Variants in PLEKHA5 observed in about 807,000 individuals in gnomAD.
PLEKHA5 encodes the protein pleckstrin homology domain containing A5.
In PLEKHA5, 55 loss-of-function variants were observed where a neutral mutation model predicts 181.9. The ratio of observed to expected loss-of-function variants is 0.30; its 90% CI spans 0.24 to 0.38. PLEKHA5 has a LOEUF of 0.38. Ranked by LOEUF, PLEKHA5 falls within the 10% of genes least tolerant of loss-of-function variation. The probability of loss-of-function intolerance (pLI) is 1.00; values close to 1 mark genes in which losing one functional copy is unlikely to be tolerated. For missense variants in PLEKHA5, 1,432 were observed against 1,549.5 expected (o/e 0.92, Z 1.27); for synonymous variants, 535 against 529.4 (o/e 1.01, Z -0.15).
At chr12:19,339,513 G>T (rs1027800709) in intron 21 of PLEKHA5, among the ~76,000 whole-genome samples, 91 of 152,206 alleles carry the variant, frequency 6.0e-4, no homozygotes, top group African/African-American at 2.1e-3. Context: ...TAATGGAGAG[G>T]TGTAATTGGT....
At chr12:19,193,763 A>G (rs2151982180) in intron 3 of PLEKHA5, among the ~76,000 whole-genome samples, 1 of 152,306 alleles carries the variant, frequency 6.6e-6, no homozygotes, top group Non-Finnish European at 1.5e-5. Flanking sequence ...TTTATAAAGA[A>G]AAGAAATTTA....
intron 10 of PLEKHA5, 71 bp downstream of exon 10, chr12:19,270,276 T>A: frequency 1.2e-6 from 1 of 804,864 alleles, no homozygotes; most frequent in Non-Finnish European, 1.8e-6. Flanking sequence ...TTTTTAAGAT[T>A]CTAAATCTTA....
intron 21 of PLEKHA5, among the ~76,000 whole-genome samples, chr12:19,341,086 A>G (rs2093891544): frequency 6.6e-6 from 1 of 152,230 alleles, no homozygotes; most frequent in African/African-American, 2.4e-5. Flanking sequence ...CAGCCTGGCC[A>G]ACATGGCGAA....
Position 19,284,346 on chromosome 12 carries a change from G to A in PLEKHA5, c.1779+601G>A, listed in dbSNP as rs566662710. Among the ~76,000 whole-genome samples the A allele has an allele frequency of 2.0e-5, 3 of 152,200 alleles. No homozygotes were observed. The South Asian group carries it at 6.2e-4, about 32-fold the overall frequency. On this transcript the variant is annotated intron_variant, in intron 12 of 31. Transcript: ENST00000429027. ...AGCCTCCCAAAGTGCTGAGATTGCA[G>A]GTGTGAGCCACTGTGCCTGGCCTAG...
At chr12:19,292,754 C>T (rs987534749) in intron 15 of PLEKHA5, among the ~76,000 whole-genome samples, 2 of 152,080 alleles carry the variant, frequency 1.3e-5, no homozygotes, top group Non-Finnish European at 2.9e-5. Flanking sequence ...GCCCAGCCAA[C>T]GTGGCGAAAC....
chr12:19,262,221 A>C (rs1002316704), intron 7 of PLEKHA5, among the ~76,000 whole-genome samples: 1 of 151,772 alleles, frequency 6.6e-6, no homozygotes, highest in African/African-American at 2.4e-5. Flanking sequence ...CTAATACAAG[A>C]ATTTGTTGGG....
At chr12:19,235,442 G>A (rs1409061220) in intron 3 of PLEKHA5, among the ~76,000 whole-genome samples, 1 of 152,160 alleles carries the variant, frequency 6.6e-6, no homozygotes, top group Non-Finnish European at 1.5e-5. Flanking sequence ...GGCATGAACT[G>A]TAGAAGAAAT....
intron 30 of PLEKHA5, 114 bp downstream of exon 30, chr12:19,366,223 G>T: frequency 1.2e-6 from 1 of 846,470 alleles, no homozygotes; most frequent in South Asian, 1.6e-5. Flanking sequence ...GACTACAGAT[G>T]AGTCAACGTT....
chr12:19,170,577 G>A (rs1018811300), intron 3 of PLEKHA5, among the ~76,000 whole-genome samples: 3 of 149,044 alleles, frequency 2.0e-5, no homozygotes, highest in South Asian at 2.1e-4. Flanking sequence ...CTGCCACCAC[G>A]CCCAACTAAT....
chr12:19,350,568 A>G (rs1052198521), intron 25 of PLEKHA5, among the ~76,000 whole-genome samples: 3 of 152,196 alleles, frequency 2.0e-5, no homozygotes, highest in African/African-American at 7.2e-5. Context: ...CAGGAGTTCA[A>G]GACCAGCCTG....
Position 19,130,873 on chromosome 12 carries a change from A to T in PLEKHA5, c.169+743A>T, listed in dbSNP as rs945487926. The T allele has an allele frequency of 6.6e-6, 1 of 152,246 alleles. No homozygotes were observed. Among genetic ancestry groups the T allele is most frequent in the Non-Finnish European group, 1.5e-5 (1 of 68,066 alleles). The allele number at this position is 152,246 out of a possible 1,614,324, so 9.4% of individuals were successfully genotyped here. On this transcript the variant is annotated intron_variant, in intron 2 of 31. Coordinates refer to ENST00000429027, the MANE Select transcript of PLEKHA5 (RefSeq NM_001256470.2). This position sits in a 1 kb window ranked among gnomAD's most constrained non-coding sequence, Gnocchi z 4.5. The stretch of plus-strand genomic sequence containing the variant: ...CCCGCCAGCCGCACGGAGGTTGCAC[A>T]GACTGCCAGGAGGCGGTGGGCGTGC...
At chr12:19,178,353 C>A (rs1361051790) in intron 3 of PLEKHA5, among the ~76,000 whole-genome samples, 1 of 152,028 alleles carries the variant, frequency 6.6e-6, no homozygotes, top group Non-Finnish European at 1.5e-5. Flanking sequence ...AAACTGATCC[C>A]ATCATTAAAG....
At chr12:19,208,285 A>G (rs1247519169) in intron 3 of PLEKHA5, among the ~76,000 whole-genome samples, 1 of 151,962 alleles carries the variant, frequency 6.6e-6, no homozygotes, top group Non-Finnish European at 1.5e-5. Context: ...GAAGGCGCCT[A>G]TAATCCCAGC....
At chr12:19,273,747 C>T (rs1329656062) in intron 10 of PLEKHA5, among the ~76,000 whole-genome samples, 3 of 152,166 alleles carry the variant, frequency 2.0e-5, no homozygotes, top group Non-Finnish European at 2.9e-5. Context: ...GCCAGGTGGA[C>T]ATGGGATGCC....
chr12:19,181,181 A>G (rs1433969938), intron 3 of PLEKHA5, among the ~76,000 whole-genome samples: 1 of 152,234 alleles, frequency 6.6e-6, no homozygotes, highest in Non-Finnish European at 1.5e-5. Context: ...CACATTGGAT[A>G]GCCACAGACC....
intron 6 of PLEKHA5, among the ~76,000 whole-genome samples, chr12:19,260,473 G>A (rs1479972203): frequency 2.0e-5 from 3 of 152,100 alleles, no homozygotes; most frequent in African/African-American, 7.2e-5. Flanking sequence ...AATATCTAAG[G>A]CCCTAGAAAA....
intron 3 of PLEKHA5, among the ~76,000 whole-genome samples, chr12:19,171,146 T>C (rs749317197): frequency 9.9e-5 from 15 of 152,230 alleles, no homozygotes; most frequent in Non-Finnish European, 1.8e-4. Context: ...AGGGGCTCTA[T>C]AGAGAGACTA....
chr12:19,316,599 G>C (rs573936883), intron 16 of PLEKHA5, among the ~76,000 whole-genome samples: 3 of 152,252 alleles, frequency 2.0e-5, no homozygotes, highest in South Asian at 4.1e-4. Flanking sequence ...AGCCTTGCCT[G>C]GGCATGGCTG....
intron 3 of PLEKHA5, among the ~76,000 whole-genome samples, chr12:19,174,819 T>A (rs1034422709): frequency 2.0e-5 from 3 of 152,210 alleles, no homozygotes; most frequent in Non-Finnish European, 4.4e-5. Context: ...TATGTAAACA[T>A]AAATCTCCAT....
Sources: gnomAD v4.1 joint callset for allele counts (sites outside exome capture counted in the v4.1 genomes callset) on GRCh38, gnomAD v4.1.1 for gene constraint, Gnocchi (gnomAD v3.1) non-coding constraint, MANE v1.5 for transcripts, NCBI Gene and HGNC (gene_info 2026-07-23, HGNC 2026-07-21) for gene names.